The following ANKS1B variants were observed in gnomAD, a reference collection of about 807,000 sequenced individuals.
ANKS1B encodes ankyrin repeat and sterile alpha motif domain-containing protein 1B.
ANKS1B carries 36 observed loss-of-function variants against 148.3 expected under a neutral mutation model. The ratio of observed to expected loss-of-function variants is 0.24; its 90% confidence interval spans 0.19 to 0.32. The LOEUF (loss-of-function observed/expected upper bound fraction) is 0.32, where lower values mean the gene tolerates loss of function less well. Ranked by LOEUF, ANKS1B falls within the 10% of genes least tolerant of loss-of-function variation. The pLI is 1.00. For missense variants in ANKS1B, 1,157 were observed against 1,542.6 expected (o/e 0.75, Z 4.19); for synonymous variants, 542 against 560.8 (o/e 0.97, Z 0.47).
chr12:99,743,297 C>A (rs2060293666), intron 8 of ANKS1B, among the ~76,000 whole-genome samples: 2 of 152,124 alleles, frequency 1.3e-5, no homozygotes, highest in Non-Finnish European at 1.5e-5. Flanking sequence ...CCTTTCAGTT[C>A]CTATGGCTAT....
chr12:99,659,636 G>A (rs1278441134), intron 8 of ANKS1B, among the ~76,000 whole-genome samples: 10 of 149,904 alleles, frequency 6.7e-5, no homozygotes, highest in Non-Finnish European at 1.0e-4. Flanking sequence ...GTGTGTGTTC[G>A]TGTGTGTTTG....
intron 14 of ANKS1B, among the ~76,000 whole-genome samples, chr12:99,235,902 T>G (rs2087820968): frequency 6.6e-6 from 1 of 152,184 alleles, no homozygotes; most frequent in Admixed American, 6.6e-5. Flanking sequence ...TTCTTTTTAG[T>G]GATTGCAATG....
At chr12:99,664,742 T>C (rs767259056) in intron 8 of ANKS1B, among the ~76,000 whole-genome samples, 18 of 152,238 alleles carry the variant, frequency 1.2e-4, no homozygotes, top group Non-Finnish European at 2.5e-4. Context: ...AAATCTTTTT[T>C]CTGCCACAAT....
chr12:99,795,671 C>T (rs1046890051), intron 4 of ANKS1B, among the ~76,000 whole-genome samples: 4 of 151,980 alleles, frequency 2.6e-5, no homozygotes, highest in Non-Finnish European at 5.9e-5. Flanking sequence ...ATGATGCACA[C>T]TGTAGACACG....
intron 11 of ANKS1B, among the ~76,000 whole-genome samples, chr12:99,442,276 T>C (rs972268482): frequency 6.6e-6 from 1 of 151,896 alleles, no homozygotes; most frequent in African/African-American, 2.4e-5. Context: ...GGTGATTCTC[T>C]GCCTCAGCCT....
At chr12:98,759,209 C>T (rs1325963050) in intron 25 of ANKS1B, among the ~76,000 whole-genome samples, 1 of 152,278 alleles carries the variant, frequency 6.6e-6, no homozygotes, top group Admixed American at 6.5e-5. Flanking sequence ...TGAAGATATG[C>T]AGGTCAGCTT....
At chr12:99,229,999 G>T (rs796328392) in intron 14 of ANKS1B, among the ~76,000 whole-genome samples, 1 of 133,068 alleles carries the variant, frequency 7.5e-6, no homozygotes, top group Non-Finnish European at 1.6e-5. Flanking sequence ...GAAAATAATA[G>T]ATGGAAAAGA....
intron 1 of ANKS1B, among the ~76,000 whole-genome samples, chr12:99,899,488 G>A (rs1001407595): frequency 2.0e-5 from 3 of 151,996 alleles, no homozygotes; most frequent in African/African-American, 7.3e-5. Flanking sequence ...TAATGTTACA[G>A]AATATAGATC....
rs533731075 is a variant in ANKS1B, at chr12:99,094,386, T to A, written c.2527-9363A>T. On this transcript the variant is annotated intron_variant, in intron 15 of 26. Transcript: ENST00000683438. The stretch of plus-strand genomic sequence containing the variant: ...TACAATTATTATCCTTATTTACAGA[T>A]AATAGACTAAGAATTGAAGGCACAG... 2.6e-5 allele frequency among the ~76,000 whole-genome samples: 4 copies of A among 152,308 alleles called. No individual in the cohort carries two copies. In the South Asian group the frequency reaches 6.2e-4, roughly 24 times the overall value.
At chr12:99,627,049 T>G (rs1002468371) in intron 9 of ANKS1B, among the ~76,000 whole-genome samples, 2 of 152,178 alleles carry the variant, frequency 1.3e-5, no homozygotes, top group Non-Finnish European at 2.9e-5. Context: ...GCTTTCAGAA[T>G]GTTAGCGCCT....
intron 8 of ANKS1B, among the ~76,000 whole-genome samples, chr12:99,734,534 TC>T (rs1280595977): frequency 2.0e-5 from 3 of 152,106 alleles, no homozygotes; most frequent in Admixed American, 2.0e-4. Flanking sequence ...TCTCAGGTGA[TC>T]CGCCCGCCTC....
At position 99,671,809 on chromosome 12, in the gene ANKS1B, T is replaced by G. The variant is rs572165164; in HGVS notation, c.1129-16599A>C. 2.0e-5 allele frequency among the ~76,000 whole-genome samples: 3 copies of G among 152,244 alleles called. No individual in the cohort carries two copies. The East Asian group carries it at 5.8e-4, about 29-fold the overall frequency. ...TAGTATGTGGTACTACTCCAGATATTGCCAAATTTAAAATGCTTCTTTTGT... is the reference window on the plus strand; with the variant it reads ...TAGTATGTGGTACTACTCCAGATATGGCCAAATTTAAAATGCTTCTTTTGT... On this transcript the variant is annotated intron_variant, in intron 8 of 26. Transcript: ENST00000683438.
chr12:99,787,025 A>C (rs1169682379), intron 4 of ANKS1B, among the ~76,000 whole-genome samples: 13 of 152,252 alleles, frequency 8.5e-5, no homozygotes. Context: ...AATGAATCAA[A>C]TAGCATTCTA....
chr12:99,625,968 A>G (rs533704325), intron 9 of ANKS1B, among the ~76,000 whole-genome samples: 1 of 152,260 alleles, frequency 6.6e-6, no homozygotes, highest in South Asian at 2.1e-4. Context: ...TCTGCCACAC[A>G]TCAGGCATCT....
intron 12 of ANKS1B, among the ~76,000 whole-genome samples, chr12:99,295,290 G>T (rs144940030): frequency 1.3e-5 from 2 of 152,232 alleles, no homozygotes; most frequent in East Asian, 3.9e-4. Context: ...TAGCCCAATG[G>T]CTAATGATAG....
At chr12:98,984,578 A>T in intron 17 of ANKS1B, among the ~76,000 whole-genome samples, 1 of 152,212 alleles carries the variant, frequency 6.6e-6, no homozygotes, top group South Asian at 2.1e-4. Context: ...GCAAGATGCA[A>T]CTTTGCTAGC....
intron 10 of ANKS1B, among the ~76,000 whole-genome samples, chr12:99,499,810 C>T (rs1304572748): frequency 2.0e-5 from 3 of 152,136 alleles, no homozygotes; most frequent in Non-Finnish European, 4.4e-5. Context: ...GTTGTTTTCA[C>T]TCACTAAGCT....
At chr12:99,619,335 C>G (rs1298684279) in intron 9 of ANKS1B, among the ~76,000 whole-genome samples, 1 of 151,930 alleles carries the variant, frequency 6.6e-6, no homozygotes, top group African/African-American at 2.4e-5. Flanking sequence ...GACTTAGATA[C>G]AGTGGGGCCC....
intron 9 of ANKS1B, among the ~76,000 whole-genome samples, chr12:99,543,242 A>G (rs1343287799): frequency 2.0e-5 from 3 of 152,154 alleles, no homozygotes; most frequent in Non-Finnish European, 4.4e-5. Flanking sequence ...ATTAGTCATT[A>G]GAGAAATGCA....
Sources: allele counts gnomAD v4.1 joint callset (sites outside exome capture counted in the v4.1 genomes callset), GRCh38; gene constraint gnomAD v4.1.1; transcripts MANE v1.5; gene names NCBI Gene and HGNC (gene_info 2026-07-23, HGNC 2026-07-21).